The following HCRTR2 variants were observed in gnomAD, a reference collection of about 807,000 sequenced individuals.
The protein encoded by HCRTR2 is orexin receptor type 2.
Under a neutral mutation model 49.0 loss-of-function variants are expected in HCRTR2, and 22 were observed. The ratio of observed to expected loss-of-function variants is 0.45; its 90% confidence interval spans 0.32 to 0.64. HCRTR2 has a LOEUF of 0.64. Ranked by LOEUF, HCRTR2 falls within the 30% of genes least tolerant of loss-of-function variation. The probability of loss-of-function intolerance (pLI) is 0.04; values close to 1 mark genes in which losing one functional copy is unlikely to be tolerated. For missense variants in HCRTR2, 491 were observed against 559.4 expected (o/e 0.88, Z 1.23); for synonymous variants, 236 against 205.3 (o/e 1.15, Z -1.28).
intron 1 of HCRTR2, among the ~76,000 whole-genome samples, chr6:55,213,812 A>G (rs976383471): frequency 2.6e-5 from 4 of 152,224 alleles, no homozygotes; most frequent in African/African-American, 9.6e-5. Flanking sequence ...TGGGGGCTGC[A>G]GAAAACAAGG....
At chr6:55,170,899 A>T (rs62418291), upstream of HCRTR2, among the ~76,000 whole-genome samples, 4,396 of 152,058 alleles carry the variant, frequency 0.029, 91 homozygotes, top group African/African-American at 0.065. Flanking sequence ...ATGTCTCTGC[A>T]AAGGACATGA....
intron 3 of HCRTR2, among the ~76,000 whole-genome samples, chr6:55,256,239 C>T (rs1350775467): frequency 6.6e-6 from 1 of 151,998 alleles, no homozygotes; most frequent in African/African-American, 2.4e-5. Flanking sequence ...CTGACCTCTT[C>T]TAGGTAAGTA....
chr6:55,263,216 G>A (rs1766801083), intron 3 of HCRTR2, among the ~76,000 whole-genome samples: 1 of 151,940 alleles, frequency 6.6e-6, no homozygotes, highest in South Asian at 2.1e-4. Flanking sequence ...ATACAACTGA[G>A]AATAGCCTCC....
chr6:55,117,771 G>A (rs1434290883), intron 1 of HCRTR2, among the ~76,000 whole-genome samples: 8 of 108,732 alleles, frequency 7.4e-5, no homozygotes, highest in African/African-American at 2.2e-4. Context: ...ACCTGCCCTT[G>A]GGATAAAGTC....
At chr6:55,180,135 A>G (rs1176387586) in intron 1 of HCRTR2, among the ~76,000 whole-genome samples, 1 of 152,218 alleles carries the variant, frequency 6.6e-6, no homozygotes, top group African/African-American at 2.4e-5. Context: ...CATATACTCT[A>G]TTGATGCCTT....
intron 1 of HCRTR2, among the ~76,000 whole-genome samples, chr6:55,221,457 T>C (rs1036936530): frequency 6.6e-6 from 1 of 152,140 alleles, no homozygotes; most frequent in Non-Finnish European, 1.5e-5. Flanking sequence ...GAAAACTAGA[T>C]AGCCATATTC....
chr6:55,125,304 T>G (rs1581784685), intron 1 of HCRTR2, among the ~76,000 whole-genome samples: 1 of 152,140 alleles, frequency 6.6e-6, no homozygotes, highest in African/African-American at 2.4e-5. Flanking sequence ...GTAAGGCAGG[T>G]CTGGTGGTGA....
chr6:55,140,138 T>C (rs1764487400), intron 1 of HCRTR2, among the ~76,000 whole-genome samples: 1 of 143,706 alleles, frequency 7.0e-6, no homozygotes, highest in African/African-American at 2.5e-5. Flanking sequence ...GGTGCTTTGA[T>C]TTTTGTAGAA....
In HCRTR2 at chr6:55,175,146, T is replaced by C. The variant is rs530332523; in HGVS notation, c.223+336T>C. Among the ~76,000 whole-genome samples the C allele has an allele frequency of 3.3e-5, 5 of 151,410 alleles. No homozygotes were observed. The East Asian group carries it at 9.8e-4, about 30-fold the overall frequency. On this transcript the variant is annotated intron_variant, in intron 1 of 6. Transcript: ENST00000370862. ...GTGTGTGTGTGTGTGGGTGGGTAGG[T>C]GGGGGAGTCAGTCATCCCTTTGTGT... is the stretch of plus-strand genomic sequence containing the variant.
chr6:55,269,415 CTA>C (rs1177004088), intron 4 of HCRTR2, among the ~76,000 whole-genome samples: 1 of 151,990 alleles, frequency 6.6e-6, no homozygotes, highest in Non-Finnish European at 1.5e-5. Flanking sequence ...AAGAGGTAAA[CTA>C]TTTCTACTTG....
At chr6:55,270,140 G>C (rs977751963) in intron 4 of HCRTR2, among the ~76,000 whole-genome samples, 6 of 152,044 alleles carry the variant, frequency 3.9e-5, no homozygotes, top group African/African-American at 7.2e-5. Flanking sequence ...CCCTATTTTT[G>C]TATTTAAAAA....
chr6:55,171,043 T>C (rs918150662), upstream of HCRTR2, among the ~76,000 whole-genome samples: 2 of 152,068 alleles, frequency 1.3e-5, no homozygotes, highest in African/African-American at 4.8e-5. Context: ...AATAAACATA[T>C]GTGTGCATGT....
chr6:55,160,048 A>C (rs1191922876), intron 1 of HCRTR2, among the ~76,000 whole-genome samples: 4 of 152,190 alleles, frequency 2.6e-5, no homozygotes, highest in Admixed American at 6.5e-5. Context: ...AGATGCACCA[A>C]GGTTGAAATA....
intron 1 of HCRTR2, among the ~76,000 whole-genome samples, chr6:55,186,457 T>C (rs2127275681): frequency 6.6e-6 from 1 of 152,346 alleles, no homozygotes; most frequent in Non-Finnish European, 1.5e-5. Context: ...TCCCCAGCAC[T>C]GAGATCTCCT....
At chr6:55,269,698 C>T (rs1766934375) in intron 4 of HCRTR2, among the ~76,000 whole-genome samples, 1 of 152,084 alleles carries the variant, frequency 6.6e-6, no homozygotes, top group Admixed American at 6.6e-5. Context: ...TTGCTTATGC[C>T]TGTAATCTCA....
intron 1 of HCRTR2, among the ~76,000 whole-genome samples, chr6:55,160,357 A>G (rs969949431): frequency 2.6e-5 from 4 of 152,200 alleles, no homozygotes; most frequent in Non-Finnish European, 5.9e-5. Flanking sequence ...GAAAAGGAAA[A>G]ACCAGTATCA....
At chr6:55,262,036 AAAC>A (rs1284801377) in intron 3 of HCRTR2, among the ~76,000 whole-genome samples, 1 of 152,034 alleles carries the variant, frequency 6.6e-6, no homozygotes. Context: ...ATGGAAAACC[AAAC>A]AACATATGTT....
At chr6:55,119,256 A>C (rs1764162057) in intron 1 of HCRTR2, among the ~76,000 whole-genome samples, 2 of 151,966 alleles carry the variant, frequency 1.3e-5, no homozygotes. Flanking sequence ...ATACGTGTGC[A>C]TGTGTCTTTA....
intron 1 of HCRTR2, among the ~76,000 whole-genome samples, chr6:55,125,118 G>A (rs1361018257): frequency 2.6e-5 from 4 of 152,034 alleles, no homozygotes; most frequent in South Asian, 4.1e-4. Context: ...TTACATTTAA[G>A]GTTAATATTG....
Sources: allele counts gnomAD v4.1 joint callset (sites outside exome capture counted in the v4.1 genomes callset), GRCh38; gene constraint gnomAD v4.1.1; transcripts MANE v1.5; gene names NCBI Gene and HGNC (gene_info 2026-07-23, HGNC 2026-07-21).